The following STIM2 variants were observed in gnomAD, a reference collection of about 807,000 sequenced individuals.
STIM2 encodes the protein stromal interaction molecule 2.
A neutral mutation model predicts 85.8 loss-of-function variants in STIM2; 31 were observed. The ratio of observed to expected loss-of-function variants is 0.36; its 90% CI spans 0.27 to 0.49. STIM2 has a LOEUF of 0.49. STIM2 is among the 20% of genes least tolerant of loss of function. The pLI, the probability that STIM2 is intolerant of heterozygous loss-of-function variation, is 0.98. For missense variants in STIM2, 841 were observed against 927.6 expected (o/e 0.91, Z 1.21); for synonymous variants, 356 against 331.1 (o/e 1.08, Z -0.82).
chr4:26,887,332 A>G (rs1233443254), intron 1 of STIM2, among the ~76,000 whole-genome samples: 1 of 152,080 alleles, frequency 6.6e-6, no homozygotes, highest in Admixed American at 6.6e-5. Context: ...TAATAATCTA[A>G]GATCACACCG....
chr4:26,938,960 C>T (rs1042246639), intron 2 of STIM2, among the ~76,000 whole-genome samples: 1 of 151,682 alleles, frequency 6.6e-6, no homozygotes, highest in Non-Finnish European at 1.5e-5. Context: ...AGTTTTGAGC[C>T]GTGGAAGCTG....
At chr4:26,932,028 C>A (rs1303695326) in intron 2 of STIM2, among the ~76,000 whole-genome samples, 1 of 152,134 alleles carries the variant, frequency 6.6e-6, no homozygotes, top group Admixed American at 6.5e-5. Flanking sequence ...TTTGTTCCAT[C>A]GTATAAGCAC....
chr4:26,895,532 G>A lies in STIM2; in HGVS notation c.152-23972G>A, dbSNP rs1369454541. 2.6e-5 allele frequency among the ~76,000 whole-genome samples: 4 copies of A among 152,120 alleles called. No individual in the cohort carries two copies. In the East Asian group the frequency reaches 7.7e-4, roughly 29 times the overall value. On this transcript the variant is annotated intron_variant, in intron 1 of 11. Coordinates refer to ENST00000467087, the MANE Select transcript of STIM2 (RefSeq NM_020860.4). The stretch of plus-strand genomic sequence containing the variant: ...TTCCTAACTTTTTTTAGTATGGCTA[G>A]AGAAAGGCAAGATTTTGACCTTAAG...
intron 6 of STIM2, 107 bp downstream of exon 6, chr4:27,002,501 AG>A (rs1728192398): frequency 1.3e-6 from 1 of 748,024 alleles, no homozygotes; most frequent in Non-Finnish European, 2.1e-6. Flanking sequence ...TATACACATC[AG>A]GAATAGATGC....
chr4:27,025,303 TA>T lies in STIM2; in HGVS notation c.*2311del, dbSNP rs1393859123. ...AAAGTTGGACATTTCTGTAAGTTTT[TA>T]AAATTATCCATTTGTTACTTTAACA... On this transcript the variant is annotated 3_prime_UTR_variant, in exon 12 of 12. Transcript: ENST00000467087. 1 of 152,030 alleles carries T rather than the reference TA, an allele frequency of 6.6e-6. No individual in the cohort carries two copies. The highest frequency in any genetic ancestry group is 1.5e-5 in the Non-Finnish European group (1 of 67,992). 9.4% of individuals were successfully genotyped at this position (152,030 alleles called of 1,614,324 possible). A position where few individuals can be genotyped will look rare whatever the true frequency, so the allele number is the denominator to read the frequency against.
intron 3 of STIM2, among the ~76,000 whole-genome samples, chr4:26,958,561 C>T (rs1470806504): frequency 6.6e-6 from 1 of 152,098 alleles, no homozygotes; most frequent in African/African-American, 2.4e-5. Flanking sequence ...CACCAATGCT[C>T]AGTATTTTTC....
intron 2 of STIM2, among the ~76,000 whole-genome samples, chr4:26,934,938 AAC>A (rs1234850557): frequency 2.0e-5 from 3 of 147,062 alleles, no homozygotes; most frequent in African/African-American, 7.6e-5. Context: ...AAAAAAAAAG[AAC>A]AAAGTTCACT....
chr4:27,004,581 C>G (rs942511178), intron 7 of STIM2, among the ~76,000 whole-genome samples: 6 of 152,118 alleles, frequency 3.9e-5, no homozygotes, highest in Non-Finnish European at 8.8e-5. Context: ...GGTAGTACTT[C>G]ACAGGTGCCT....
At chr4:26,949,983 A>T (rs918298475) in intron 2 of STIM2, among the ~76,000 whole-genome samples, 2 of 152,248 alleles carry the variant, frequency 1.3e-5, no homozygotes, top group African/African-American at 4.8e-5. Flanking sequence ...TTATAAATAC[A>T]ATATAGCTTT....
intron 1 of STIM2, among the ~76,000 whole-genome samples, chr4:26,915,989 A>G (rs1053922675): frequency 1.3e-5 from 2 of 152,210 alleles, no homozygotes; most frequent in African/African-American, 4.8e-5. Context: ...AGCTAAAGAA[A>G]GTGTCTATAA....
intron 1 of STIM2, among the ~76,000 whole-genome samples, chr4:26,909,530 G>A (rs1241727021): frequency 6.6e-6 from 1 of 152,200 alleles, no homozygotes; most frequent in Non-Finnish European, 1.5e-5. Flanking sequence ...TACTGAGAGA[G>A]AAGTAAAACA....
intron 2 of STIM2, among the ~76,000 whole-genome samples, chr4:26,936,633 G>C (rs1451690768): frequency 6.6e-6 from 1 of 152,196 alleles, no homozygotes; most frequent in Non-Finnish European, 1.5e-5. Flanking sequence ...CATAGTTTCT[G>C]TGGAAAGATA....
chr4:26,997,902 T>C (rs965380378), intron 4 of STIM2, among the ~76,000 whole-genome samples: 1 of 152,246 alleles, frequency 6.6e-6, no homozygotes, highest in Non-Finnish European at 1.5e-5. Flanking sequence ...GGAGTTCCTG[T>C]AATTTTTCCA....
At chr4:26,871,610 T>C (rs2109028964) in intron 1 of STIM2, among the ~76,000 whole-genome samples, 1 of 152,348 alleles carries the variant, frequency 6.6e-6, no homozygotes, top group Non-Finnish European at 1.5e-5. Context: ...TTGTGCTTTG[T>C]TTTCATAAAT....
At chr4:27,011,349 T>C (rs74713405) in intron 10 of STIM2, among the ~76,000 whole-genome samples, 2,964 of 152,324 alleles carry the variant, frequency 0.019, 105 homozygotes, top group African/African-American at 0.068. Flanking sequence ...ATAACTTATA[T>C]GTTTATTTAT....
At chr4:26,909,065 T>C (rs1395012418) in intron 1 of STIM2, among the ~76,000 whole-genome samples, 2 of 152,156 alleles carry the variant, frequency 1.3e-5, no homozygotes, top group African/African-American at 2.4e-5. Flanking sequence ...GGCAACAGAG[T>C]GAGACCTTGT....
intron 3 of STIM2, among the ~76,000 whole-genome samples, chr4:26,961,283 T>A (rs1172609756): frequency 6.6e-6 from 1 of 152,192 alleles, no homozygotes; most frequent in African/African-American, 2.4e-5. Flanking sequence ...TAGAAGCTCC[T>A]GTTTGTAGCT....
At chr4:27,013,572 A>G (rs1728634083) in intron 10 of STIM2, among the ~76,000 whole-genome samples, 2 of 151,984 alleles carry the variant, frequency 1.3e-5, no homozygotes, top group African/African-American at 2.4e-5. Flanking sequence ...ATTCTGGAAC[A>G]AGATTGCTTG....
At chr4:26,938,011 A>G (rs902879674) in intron 2 of STIM2, among the ~76,000 whole-genome samples, 10 of 141,198 alleles carry the variant, frequency 7.1e-5, no homozygotes, top group African/African-American at 2.7e-4. Flanking sequence ...CTGGAAATAA[A>G]TTTAAATAGC....
Sources: allele counts gnomAD v4.1 joint callset (sites outside exome capture counted in the v4.1 genomes callset), GRCh38; gene constraint gnomAD v4.1.1; transcripts MANE v1.5; gene names NCBI Gene and HGNC (gene_info 2026-07-23, HGNC 2026-07-21).